TMEM39B: variants seen among roughly 807,000 people sequenced by gnomAD.
TMEM39B encodes transmembrane protein 39B.
A neutral mutation model predicts 52.2 loss-of-function variants in TMEM39B; 23 were observed. The observed-to-expected ratio is 0.44, with a 90% CI of 0.32 to 0.62. TMEM39B has a LOEUF of 0.62. Ranked by LOEUF, TMEM39B falls within the 20% of genes least tolerant of loss-of-function variation. TMEM39B has a pLI of 0.06. For synonymous variants in TMEM39B, 285 were observed against 264.0 expected, an observed-to-expected ratio of 1.08 and a Z score of -0.77; for missense variants, 547 against 642.0, an observed-to-expected ratio of 0.85 and a Z score of 1.60.
intron 5 of TMEM39B, among the ~76,000 whole-genome samples, chr1:32,083,548 G>C (rs1293954993): frequency 6.9e-6 from 1 of 144,578 alleles, no homozygotes; most frequent in African/African-American, 2.6e-5. Flanking sequence ...TCAGCCTCCC[G>C]AGTAGCTGGG....
Position 32,074,973 on chromosome 1 carries a change from G to A in TMEM39B, c.27G>A (p.Arg9=). Residue 9 remains arginine, a synonymous_variant, in exon 2 of 9, where the codon AGG becomes AGA. Coordinates refer to ENST00000336294, the MANE Select transcript of TMEM39B (RefSeq NM_018056.4). The part of the protein sequence containing the change: MGGRRGPN[R]TSYCRNPLCE... ...CAGGAGGACGAAGAGGTCCCAACAG[G>A]ACATCTTACTGTCGAAATCCGCTCT... The A allele has an allele frequency of 1.3e-6, 2 of 1,551,480 alleles. No homozygotes were observed. Among genetic ancestry groups the A allele is most frequent in the Non-Finnish European group, 8.7e-7 (1 of 1,146,906 alleles).
chr1:32,085,906 TC>T (rs1640329784), intron 5 of TMEM39B, among the ~76,000 whole-genome samples: 1 of 152,102 alleles, frequency 6.6e-6, no homozygotes, highest in Non-Finnish European at 1.5e-5. Context: ...GAGTGCAGTT[TC>T]TTTCTCTCTG....
intron 5 of TMEM39B, among the ~76,000 whole-genome samples, chr1:32,085,477 G>T (rs1640302581): frequency 6.6e-6 from 1 of 152,112 alleles, no homozygotes; most frequent in Non-Finnish European, 1.5e-5. Flanking sequence ...ATTTGGCTGG[G>T]CGTGGTGGCT....
chr1:32,076,576 T>C, intron 3 of TMEM39B, 187 bp from the exon 4 acceptor site: 1 of 704,392 alleles, frequency 1.4e-6, no homozygotes, highest in South Asian at 1.5e-5. Flanking sequence ...ACTGTCCCAC[T>C]TCCCTTCTCG....
chr1:32,076,708 AGCCTGCATATGGGCAAGGG>A, intron 3 of TMEM39B, 36 bp from the exon 4 acceptor site: 1 of 1,569,782 alleles, frequency 6.4e-7, no homozygotes, highest in Non-Finnish European at 8.8e-7. Flanking sequence ...GTATGAAAAA[AGCCTGCATATGGGCAAGGG>A]GCCCACATGA....
chr1:32,098,191 G>A lies in TMEM39B; in HGVS notation c.1116-2251G>A, dbSNP rs553400482. On this transcript the variant is annotated intron_variant, in intron 7 of 8. Transcript: ENST00000336294. ...TTTTTTTGTATTTTTAGTAGAGACGGGGTTTCACCATGTTGGCCAGGCTGG... is the reference window on the plus strand; with the variant it reads ...TTTTTTTGTATTTTTAGTAGAGACGAGGTTTCACCATGTTGGCCAGGCTGG... Among the ~76,000 whole-genome samples the A allele has an allele frequency of 3.3e-5, 5 of 151,762 alleles. No homozygotes were observed. The South Asian group carries it at 1.0e-3, about 32-fold the overall frequency.
intron 5 of TMEM39B, among the ~76,000 whole-genome samples, chr1:32,085,586 A>T (rs905085255): frequency 2.6e-5 from 4 of 152,014 alleles, no homozygotes; most frequent in Non-Finnish European, 5.9e-5. Context: ...CCCTGTCTCT[A>T]CTAAAAATAC....
intron 5 of TMEM39B, among the ~76,000 whole-genome samples, chr1:32,088,769 C>CT (rs1001029615): frequency 7.2e-5 from 11 of 152,098 alleles, no homozygotes; most frequent in African/African-American, 2.7e-4. Context: ...CAGCGAGATT[C>CT]TTTAAGTTTA....
chr1:32,096,552 T>A (rs955897736), intron 7 of TMEM39B, among the ~76,000 whole-genome samples: 1 of 144,510 alleles, frequency 6.9e-6, no homozygotes, highest in African/African-American at 2.6e-5. Flanking sequence ...CTCCACCTCC[T>A]GGATTCAAGC....
chr1:32,072,854 G>A, upstream of TMEM39B: 2 of 619,174 alleles, frequency 3.2e-6, no homozygotes, highest in Admixed American at 3.5e-5. Context: ...CACCGCCTCC[G>A]TCCGGGCGGC....
chr1:32,102,425 G>A lies in TMEM39B; in HGVS notation c.1237-6G>A, dbSNP rs755204164. 6 of 1,612,338 alleles carry A rather than the reference G, an allele frequency of 3.7e-6. No individual in the cohort carries two copies. Among genetic ancestry groups the A allele is most frequent in the South Asian group, 2.2e-5 (2 of 90,920 alleles). On this transcript the variant is annotated splice_polypyrimidine_tract_variant and splice_region_variant and intron_variant, in intron 8 of 8. Coordinates refer to ENST00000336294, the MANE Select transcript of TMEM39B (RefSeq NM_018056.4). The stretch of plus-strand genomic sequence containing the variant: ...CTTTTAGCCATGCCCACCCGCTTCC[G>A]GGCAGTTCTTTTTCAGCAAACCCCT...
rs978690688 is a variant in TMEM39B at position 32,089,809 on chromosome 1, G to A, written c.591-1866G>A. ...TCCCAGCACTTTGGGAGGCTGAGGC[G>A]GGTGGAGGTCAGGAGTTCAAGACCA... On this transcript the variant is annotated intron_variant, in intron 5 of 8. Transcript: ENST00000336294. 2.0e-5 allele frequency among the ~76,000 whole-genome samples: 3 copies of A among 151,716 alleles called. No homozygotes were observed. In the South Asian group the frequency reaches 6.3e-4, roughly 32 times the overall value.
intron 5 of TMEM39B, among the ~76,000 whole-genome samples, chr1:32,090,672 C>G (rs1044377527): frequency 1.3e-5 from 2 of 152,048 alleles, no homozygotes; most frequent in South Asian, 2.1e-4. Flanking sequence ...CGGAGTCTCG[C>G]TCTGTCGCCC....
rs1206483649 is a variant in TMEM39B, at chr1:32,091,706, A to T, written c.622A>T (p.Asn208Tyr). ...FGMYIPFLQL[N>Y]CDLRKTSLFN... ...GATGTACATTCCGTTCCTGCAGCTGAATTGCGACCTCCGCAAGACAAGCCT... is the reference window on the plus strand; with the variant it reads ...GATGTACATTCCGTTCCTGCAGCTGTATTGCGACCTCCGCAAGACAAGCCT... The change falls in exon 6 of 9, where the codon AAT becomes TAT. Residue 208 changes from asparagine to tyrosine, a missense_variant. Asn to Tyr is a moderately radical substitution (Grantham distance 143). Transcript: ENST00000336294. The T allele has an allele frequency of 5.0e-6, 8 of 1,611,302 alleles. No homozygotes were observed. In the South Asian group the frequency reaches 8.8e-5, roughly 18 times the overall value.
In TMEM39B at chr1:32,073,066, T is replaced by C; in HGVS notation, c.4+15T>C. 1 of 1,483,212 alleles carries C rather than the reference T, an allele frequency of 6.7e-7. No homozygotes were observed. The highest frequency in any genetic ancestry group is 9.0e-7 in the Non-Finnish European group (1 of 1,112,644). 91.9% of individuals were successfully genotyped at this position (1,483,212 alleles called of 1,614,324 possible). A position where few individuals can be genotyped will look rare whatever the true frequency, so the allele number is the denominator to read the frequency against. On this transcript the variant is annotated intron_variant, in intron 1 of 8. Coordinates refer to ENST00000336294, the MANE Select transcript of TMEM39B (RefSeq NM_018056.4). The stretch of plus-strand genomic sequence containing the variant: ...GGAGGAGATGGGTGAGCAGAGCGGC[T>C]CAGGCTCGGCCTGGCAACGAGCGGG...
intron 1 of TMEM39B, among the ~76,000 whole-genome samples, chr1:32,074,654 A>T (rs540294555): frequency 5.9e-5 from 9 of 152,286 alleles, no homozygotes; most frequent in Admixed American, 3.9e-4. Context: ...CAGAAATGGC[A>T]GTCCGGGAAA....
intron 5 of TMEM39B, among the ~76,000 whole-genome samples, chr1:32,078,346 G>A (rs1639952323): frequency 6.6e-6 from 1 of 151,934 alleles, no homozygotes; most frequent in Admixed American, 6.6e-5. Flanking sequence ...AGCCAGGTGT[G>A]GTGAGGCACG....
chr1:32,073,474 T>TG (rs1001755966), intron 1 of TMEM39B: 2 of 908,532 alleles, frequency 2.2e-6, no homozygotes, highest in African/African-American at 3.6e-5. Context: ...CATTCTGGAG[T>TG]GGGGCTTCTG....
intron 5 of TMEM39B, among the ~76,000 whole-genome samples, chr1:32,091,458 T>C (rs1350014796): frequency 6.6e-6 from 1 of 152,212 alleles, no homozygotes; most frequent in Non-Finnish European, 1.5e-5. Context: ...GCATTTCTGC[T>C]ATACCCCTAG....
Sources: allele counts gnomAD v4.1 joint callset (sites outside exome capture counted in the v4.1 genomes callset), GRCh38; gene constraint gnomAD v4.1.1; transcripts MANE v1.5; gene names NCBI Gene and HGNC (gene_info 2026-07-23, HGNC 2026-07-21).